FHL1: variants seen among roughly 807,000 people sequenced by gnomAD.
The protein encoded by FHL1 is four and a half LIM domains protein 1.
A neutral mutation model predicts 20.3 loss-of-function variants in FHL1; 1 was observed. The observed-to-expected ratio is 0.05, with a 90% CI of 0.02 to 0.23. The LOEUF is 0.23. Ranked by LOEUF, FHL1 falls within the 10% of genes least tolerant of loss-of-function variation. The pLI is 1.00. For synonymous variants in FHL1, 82 were observed against 88.9 expected (o/e 0.92, Z 0.44); for missense variants, 177 against 234.0 (o/e 0.76, Z 1.59).
intron 2 of FHL1, among the ~76,000 whole-genome samples, chrX:136,175,597 CAATA>C (rs1268008405): frequency 1.8e-5 from 2 of 112,233 alleles, no homozygotes; most frequent in Non-Finnish European, 3.8e-5. Flanking sequence ...TTCATTTATT[CAATA>C]AATAGTTTTG....
At chrX:136,158,801 TATA>T (rs1427665190) in intron 1 of FHL1, among the ~76,000 whole-genome samples, 1 of 111,844 alleles carries the variant, frequency 8.9e-6, no homozygotes, top group Non-Finnish European at 1.9e-5. Context: ...TAGTTTACAT[TATA>T]ATATTCCTAG....
chrX:136,198,577 C>T (rs2148354098), intron 1 of FHL1, among the ~76,000 whole-genome samples: 1 of 111,780 alleles, frequency 8.9e-6, no homozygotes, highest in South Asian at 3.7e-4. Context: ...AGAGAAGAAT[C>T]AGTCCATGAG....
At chrX:136,203,315 T>C (rs2073762725) in intron 1 of FHL1, among the ~76,000 whole-genome samples, 1 of 111,456 alleles carries the variant, frequency 9.0e-6, no homozygotes, top group Admixed American at 9.5e-5. Flanking sequence ...TCCATCTGGA[T>C]ACAGACTGCA....
intron 1 of FHL1, among the ~76,000 whole-genome samples, chrX:136,154,314 G>A (rs1333139935): frequency 1.8e-5 from 2 of 112,350 alleles, no homozygotes; most frequent in East Asian, 5.6e-4. Flanking sequence ...AACAGCTGTG[G>A]GCAGTACAGG....
chrX:136,207,584 A>G (rs1603271329), intron 3 of FHL1: 1 of 451,352 alleles, frequency 2.2e-6, no homozygotes, highest in East Asian at 3.7e-5. Context: ...TGGATCCTAA[A>G]ATAATAATGC....
At position 136,157,065 on chromosome X, in the gene FHL1, C is replaced by G. The variant is rs899377823; in HGVS notation, c.-101+9437C>G. On this transcript the variant is annotated intron_variant, in intron 1 of 7. Coordinates refer to the FHL1 transcript ENST00000394155. ...GTCCAAAAATATTTATATCACTAAGCCAGAGCAGTGGATTTAGACATTTGA... is the reference window on the plus strand; with the variant it reads ...GTCCAAAAATATTTATATCACTAAGGCAGAGCAGTGGATTTAGACATTTGA... Among the ~76,000 whole-genome samples the G allele has an allele frequency of 2.7e-5, 3 of 111,195 alleles. No individual in the cohort carries two copies. In the Admixed American group the frequency reaches 2.9e-4, roughly 11 times the overall value.
chrX:136,153,292 G>GC (rs919496245), intron 1 of FHL1, among the ~76,000 whole-genome samples: 1 of 99,246 alleles, frequency 1.0e-5, no homozygotes, highest in Admixed American at 1.1e-4. Flanking sequence ...GGTGGGGGGG[G>GC]GCAGGAAAAG....
At chrX:136,149,715 G>A (rs1299637323) in intron 1 of FHL1, among the ~76,000 whole-genome samples, 13 of 111,365 alleles carry the variant, frequency 1.2e-4, no homozygotes, top group Non-Finnish European at 2.4e-4. Context: ...AATTCCTCCT[G>A]TATAATACCA....
At chrX:136,162,880 C>G (rs1275729054) in intron 1 of FHL1, among the ~76,000 whole-genome samples, 2 of 112,273 alleles carry the variant, frequency 1.8e-5, no homozygotes, top group East Asian at 5.6e-4. Flanking sequence ...TTATAAAGAA[C>G]AGAAATCTAT....
upstream of FHL1, among the ~76,000 whole-genome samples, chrX:136,195,598 T>C (rs2073536941): frequency 8.9e-6 from 1 of 112,473 alleles, no homozygotes; most frequent in Non-Finnish European, 1.9e-5. Flanking sequence ...CTGGCTTTTA[T>C]TGTGTCATTT....
intron 2 of FHL1, among the ~76,000 whole-genome samples, chrX:136,180,811 G>T (rs901749464): frequency 9.2e-6 from 1 of 109,280 alleles, no homozygotes; most frequent in Non-Finnish European, 1.9e-5. Flanking sequence ...GCGTGATCTC[G>T]GCTCACTGCA....
intron 3 of FHL1, 191 bp from the exon 4 acceptor site, chrX:136,207,601 C>T: frequency 4.2e-6 from 2 of 472,814 alleles, no homozygotes; most frequent in East Asian, 3.7e-5. Context: ...ATGCTGGGGT[C>T]CCCACCCATG....
At chrX:136,206,715 G>A in intron 2 of FHL1, 127 bp downstream of exon 2, 8 of 913,392 alleles carry the variant, frequency 8.8e-6, no homozygotes, top group Non-Finnish European at 1.3e-5. Flanking sequence ...GAGGCCTCAA[G>A]GAAGCCTCCT....
intron 1 of FHL1, among the ~76,000 whole-genome samples, chrX:136,162,306 T>G (rs1439999165): frequency 9.1e-6 from 1 of 110,232 alleles, no homozygotes; most frequent in East Asian, 2.8e-4. Flanking sequence ...CATTGGAAAC[T>G]CTGGGCAAAT....
intron 1 of FHL1, among the ~76,000 whole-genome samples, chrX:136,157,036 A>G (rs1399389165): frequency 9.0e-6 from 1 of 110,880 alleles, no homozygotes; most frequent in African/African-American, 3.3e-5. Context: ...CCTGCAAATT[A>G]TCGGTCCAAA....
rs1463434389 is a variant in FHL1, at chrX:136,211,193, A to G, written c.*1168A>G. On this transcript the variant is annotated 3_prime_UTR_variant, in exon 6 of 6. Transcript: ENST00000370683. Reference sequence around the variant, plus strand: ...ATTCTACATTATTATATGACATAGTATAATGAGACAATATCAAAAGTAAAC... The same window carrying G: ...ATTCTACATTATTATATGACATAGTGTAATGAGACAATATCAAAAGTAAAC... 5.5e-6 allele frequency: 2 copies of G among 363,736 alleles called. No homozygotes were observed. Among genetic ancestry groups the G allele is most frequent in the Non-Finnish European group, 1.0e-5 (2 of 191,080 alleles). 30.0% of individuals were successfully genotyped at this position (363,736 alleles called of 1,213,427 possible).
chrX:136,181,727 T>G (rs1307164548), intron 2 of FHL1, among the ~76,000 whole-genome samples: 3 of 112,168 alleles, frequency 2.7e-5, no homozygotes, highest in African/African-American at 9.7e-5. Flanking sequence ...GATGTATATT[T>G]TATTTTCCCC....
At chrX:136,208,343 A>G (rs1479829904) in intron 4 of FHL1, 112 bp from the exon 5 acceptor site, 2 of 788,626 alleles carry the variant, frequency 2.5e-6, no homozygotes, top group Admixed American at 4.5e-5. Flanking sequence ...GCTGTTGTGG[A>G]GATTAAATGA....
rs891028125 is a variant in FHL1 at position 136,175,536 on chromosome X, A to T, written c.-27+5556A>T. 4.5e-5 allele frequency among the ~76,000 whole-genome samples: 5 copies of T among 111,548 alleles called. No individual in the cohort carries two copies. In the South Asian group the frequency reaches 1.5e-3, roughly 33 times the overall value. ...CTGTGTAAGCATTCATCACAGTGTT[A>T]TTTGTGAGGACAAAAAGAAAGAATT... On this transcript the variant is annotated intron_variant, in intron 2 of 6. Transcript: ENST00000394153.
Sources: allele counts gnomAD v4.1 joint callset (sites outside exome capture counted in the v4.1 genomes callset), GRCh38; gene constraint gnomAD v4.1.1; transcripts MANE v1.5; gene names NCBI Gene and HGNC (gene_info 2026-07-23, HGNC 2026-07-21).